The following RNF144A variants were observed in gnomAD, a reference collection of about 807,000 sequenced individuals.
The protein encoded by RNF144A is ring finger protein 144A, also known as E3 ubiquitin-protein ligase RNF144A.
Under a neutral mutation model 38.7 loss-of-function variants are expected in RNF144A, and 11 were observed. The ratio of observed to expected loss-of-function variants is 0.28; its 90% CI spans 0.18 to 0.47. The LOEUF (loss-of-function observed/expected upper bound fraction) is 0.47. Among genes scored for constraint, RNF144A ranks in the 20% least tolerant of loss-of-function variants. The pLI, the probability that RNF144A is intolerant of heterozygous loss-of-function variation, is 0.99. For synonymous variants in RNF144A, 149 were observed against 143.9 expected, an observed-to-expected ratio of 1.04 and a Z score of -0.25; for missense variants, 316 against 377.2, an observed-to-expected ratio of 0.84 and a Z score of 1.34.
intron 2 of RNF144A, among the ~76,000 whole-genome samples, chr2:6,954,439 A>G (rs1666875550): frequency 6.6e-6 from 1 of 152,216 alleles, no homozygotes; most frequent in Non-Finnish European, 1.5e-5. Context: ...TTACAGGTTT[A>G]TAAGCTACGA....
chr2:7,015,673 A>T (rs999750446), intron 5 of RNF144A, among the ~76,000 whole-genome samples: 1 of 152,194 alleles, frequency 6.6e-6, no homozygotes, highest in African/African-American at 2.4e-5. Flanking sequence ...CTTTGTTTTC[A>T]TATCTATTCT....
intron 3 of RNF144A, among the ~76,000 whole-genome samples, chr2:7,002,982 AC>A (rs1670207611): frequency 6.6e-6 from 1 of 152,144 alleles, no homozygotes; most frequent in Non-Finnish European, 1.5e-5. Context: ...TTAGTTTTTA[AC>A]AAAAAAAGTT....
intron 8 of RNF144A, among the ~76,000 whole-genome samples, chr2:7,035,970 G>A (rs1021993869): frequency 7.2e-5 from 11 of 152,184 alleles, no homozygotes; most frequent in Non-Finnish European, 1.5e-4. Flanking sequence ...TAAAGTAAAT[G>A]AGCATGAAAA....
chr2:7,017,421 A>G (rs553419351), intron 5 of RNF144A, among the ~76,000 whole-genome samples: 5 of 151,468 alleles, frequency 3.3e-5, no homozygotes, highest in African/African-American at 1.2e-4. Flanking sequence ...AAATGTTGCC[A>G]TCTCACAGCA....
chr2:6,991,985 A>C (rs1439610043), intron 2 of RNF144A, among the ~76,000 whole-genome samples: 2 of 152,224 alleles, frequency 1.3e-5, no homozygotes, highest in African/African-American at 4.8e-5. Context: ...CTTACCCAGA[A>C]AGACTGGTGA....
chr2:7,014,073 CTG>C (rs1250470147), intron 3 of RNF144A, among the ~76,000 whole-genome samples: 2 of 152,228 alleles, frequency 1.3e-5, no homozygotes, highest in Non-Finnish European at 2.9e-5. Context: ...CAGTGAAAGA[CTG>C]AGAGATAAAA....
intron 3 of RNF144A, among the ~76,000 whole-genome samples, chr2:7,008,026 A>T (rs995668557): frequency 6.6e-6 from 1 of 152,200 alleles, no homozygotes; most frequent in African/African-American, 2.4e-5. Context: ...GTATAGTGGA[A>T]AGCACAGTCT....
chr2:6,953,926 C>T (rs1272958172), intron 2 of RNF144A, among the ~76,000 whole-genome samples: 4 of 152,184 alleles, frequency 2.6e-5, no homozygotes, highest in African/African-American at 9.6e-5. Context: ...TTGTTGTATA[C>T]AAACTTAAAA....
intron 4 of RNF144A, 60 bp from the exon 5 acceptor site, chr2:7,014,652 T>A (rs1671023444): frequency 1.3e-6 from 2 of 1,542,900 alleles, no homozygotes; most frequent in South Asian, 1.1e-5. Context: ...GGGTGTGCGT[T>A]GCATTATATT....
At chr2:6,982,892 G>A (rs1027257170) in intron 2 of RNF144A, among the ~76,000 whole-genome samples, 1 of 152,202 alleles carries the variant, frequency 6.6e-6, no homozygotes, top group African/African-American at 2.4e-5. Flanking sequence ...TTAGTACATT[G>A]GAAAATAGCT....
chr2:7,021,104 G>C (rs552491679), intron 6 of RNF144A, among the ~76,000 whole-genome samples: 114 of 152,258 alleles, frequency 7.5e-4, no homozygotes, highest in Non-Finnish European at 1.2e-3. Context: ...TCTGGAGGGG[G>C]ATGGGGAGAC....
chr2:6,939,299 C>T lies in RNF144A; in HGVS notation c.-211-1649C>T, dbSNP rs532389478. Among the ~76,000 whole-genome samples, 22 of 152,286 alleles carry T rather than the reference C, an allele frequency of 1.4e-4. 1 individual carries two copies. In the East Asian group the frequency reaches 3.5e-3, roughly 24 times the overall value. ...TCCTAGTGGGTGTGAAGTGGCATCT[C>T]ATTGGAGTTTCGATTTGCATTTCCC... is the stretch of plus-strand genomic sequence containing the variant. On this transcript the variant is annotated intron_variant, in intron 1 of 8. Coordinates refer to ENST00000320892, the MANE Select transcript of RNF144A (RefSeq NM_014746.6).
At chr2:7,026,377 C>T (rs913561066) in intron 7 of RNF144A, among the ~76,000 whole-genome samples, 1 of 152,104 alleles carries the variant, frequency 6.6e-6, no homozygotes, top group African/African-American at 2.4e-5. Context: ...ATCAGCATGG[C>T]AAGATGAATT....
In RNF144A at chr2:6,929,346, G is replaced by A. The variant is rs533815327; in HGVS notation, c.-211-11602G>A. Among the ~76,000 whole-genome samples, 35 of 152,256 alleles carry A rather than the reference G, an allele frequency of 2.3e-4. No individual in the cohort carries two copies. The South Asian group carries it at 7.3e-3, about 32-fold the overall frequency. ...CTTGACAGTGGAGTTGAGACTCAGAGTTTGACATTTATTTGTTGCACTTCC... is the reference window on the plus strand; with the variant it reads ...CTTGACAGTGGAGTTGAGACTCAGAATTTGACATTTATTTGTTGCACTTCC... On this transcript the variant is annotated intron_variant, in intron 1 of 8. Coordinates refer to ENST00000320892, the MANE Select transcript of RNF144A (RefSeq NM_014746.6).
chr2:7,008,104 C>A (rs1265581089), intron 3 of RNF144A, among the ~76,000 whole-genome samples: 1 of 152,330 alleles, frequency 6.6e-6, no homozygotes, highest in Middle Eastern at 3.4e-3. Context: ...CCTAGAGAGC[C>A]AGATCTTCCT....
At chr2:7,026,170 G>A (rs557271381) in intron 7 of RNF144A, among the ~76,000 whole-genome samples, 3 of 152,284 alleles carry the variant, frequency 2.0e-5, no homozygotes, top group South Asian at 2.1e-4. Context: ...ATATGGTAAC[G>A]GTCTGGAATA....
intron 1 of RNF144A, among the ~76,000 whole-genome samples, chr2:6,938,481 C>T (rs751499743): frequency 4.6e-5 from 7 of 152,080 alleles, no homozygotes; most frequent in East Asian, 1.9e-4. Context: ...CTCCTGACCT[C>T]GTGATCCACC....
Position 6,977,975 on chromosome 2 carries a change from T to C in RNF144A, c.-11-18941T>C, listed in dbSNP as rs571589194. Among the ~76,000 whole-genome samples the C allele has an allele frequency of 3.3e-5, 5 of 152,274 alleles. 1 individual carries two copies. In the South Asian group the frequency reaches 1.0e-3, roughly 32 times the overall value. Reference sequence around the variant, plus strand: ...ACCCTGGAGTCACTGGAAGTTTCCATCTGGGAGACGTCTTGTGAAATAGTG... The same window carrying C: ...ACCCTGGAGTCACTGGAAGTTTCCACCTGGGAGACGTCTTGTGAAATAGTG... On this transcript the variant is annotated intron_variant, in intron 2 of 8. Transcript: ENST00000320892.
chr2:7,053,520 T>G (rs966839802), intron 6 of RNF144A, among the ~76,000 whole-genome samples: 15 of 152,298 alleles, frequency 9.8e-5, no homozygotes, highest in African/African-American at 3.6e-4. Flanking sequence ...TTTATTTCAT[T>G]CTGTGTGACT....
Sources: gnomAD v4.1 joint callset for allele counts (sites outside exome capture counted in the v4.1 genomes callset) on GRCh38, gnomAD v4.1.1 for gene constraint, MANE v1.5 for transcripts, NCBI Gene and HGNC (gene_info 2026-07-23, HGNC 2026-07-21) for gene names.